Variants in GOLM2 observed in about 807,000 individuals in gnomAD.
The protein encoded by GOLM2 is golgi membrane protein 2, also known as protein GOLM2.
Under a neutral mutation model 55.9 loss-of-function variants are expected in GOLM2, and 26 were observed. That is an observed-to-expected ratio of 0.47 (90% CI 0.34 to 0.65). The LOEUF (loss-of-function observed/expected upper bound fraction) is 0.65, where lower values mean the gene tolerates loss of function less well. GOLM2 is among the 30% of genes least tolerant of loss of function. The pLI, the probability that GOLM2 is intolerant of heterozygous loss-of-function variation, is 0.01. For synonymous variants in GOLM2, 165 were observed against 194.6 expected, an observed-to-expected ratio of 0.85 and a Z score of 1.27; for missense variants, 486 against 531.8, an observed-to-expected ratio of 0.91 and a Z score of 0.85.
At position 44,295,939 on chromosome 15, in the gene GOLM2, CACACACACAG is replaced by C. The variant is rs1392035066; in HGVS notation, c.327+6588_327+6597del. On this transcript the variant is annotated intron_variant, in intron 1 of 9. Coordinates refer to ENST00000299957, the MANE Select transcript of GOLM2 (RefSeq NM_138423.4). Reference sequence around the variant, plus strand: ...ACATACACACACACACACACACACACACACACACAGACACCCTTTTATTTCCTCTTTTATC... The same window carrying C: ...ACATACACACACACACACACACACACACACCCTTTTATTTCCTCTTTTATC... Among the ~76,000 whole-genome samples, 174 of 151,966 alleles carry C rather than the reference CACACACACAG, an allele frequency of 1.1e-3. 1 individual carries two copies. The highest frequency in any genetic ancestry group is 4.0e-3 in the African/African-American group (166 of 41,410).
intron 8 of GOLM2, among the ~76,000 whole-genome samples, chr15:44,395,156 G>A (rs1350268874): frequency 1.3e-5 from 2 of 149,114 alleles, no homozygotes; most frequent in South Asian, 2.1e-4. Flanking sequence ...GACTACAGGC[G>A]CCCGCCACCA....
At chr15:44,352,621 G>A (rs574626983) in intron 6 of GOLM2, among the ~76,000 whole-genome samples, 204 of 152,180 alleles carry the variant, frequency 1.3e-3, no homozygotes, top group South Asian at 4.0e-3. Flanking sequence ...AATCAGAAAA[G>A]TGAAGAGTAG....
chr15:44,290,728 A>G (rs1030025971), intron 1 of GOLM2, among the ~76,000 whole-genome samples: 25 of 152,180 alleles, frequency 1.6e-4, no homozygotes, highest in Non-Finnish European at 1.5e-5. Context: ...TCTCAAAGGA[A>G]AGTCTCTTGT....
chr15:44,328,835 C>G (rs779966259), intron 3 of GOLM2, 48 bp downstream of exon 3: 1 of 1,265,924 alleles, frequency 7.9e-7, no homozygotes, highest in Non-Finnish European at 1.1e-6. Flanking sequence ...AATATTTGTC[C>G]AGCTTTTGGA....
Position 44,288,970 on chromosome 15 carries a change from T to C in GOLM2, c.-60T>C, listed in dbSNP as rs930408043. 41 of 1,484,346 alleles carry C rather than the reference T, an allele frequency of 2.8e-5. No individual in the cohort carries two copies. The highest frequency in any genetic ancestry group is 3.5e-5 in the Non-Finnish European group (38 of 1,092,816). 91.9% of individuals were successfully genotyped at this position (1,484,346 alleles called of 1,614,324 possible). A position where few individuals can be genotyped will look rare whatever the true frequency, so the allele number is the denominator to read the frequency against. On this transcript the variant is annotated 5_prime_UTR_variant, in exon 1 of 10. Coordinates refer to ENST00000299957, the MANE Select transcript of GOLM2 (RefSeq NM_138423.4). ...CCGCCGGGCAACTCCAGCCGAGGCC[T>C]GGGCTTCTGCCTGCAGGTGTCTGCG...
chr15:44,300,162 A>AGAAG (rs141330312), intron 1 of GOLM2, among the ~76,000 whole-genome samples: 1 of 146,788 alleles, frequency 6.8e-6, no homozygotes, highest in East Asian at 2.1e-4. Context: ...AGGAGGAAAG[A>AGAAG]GAAGGAAGGA....
intron 6 of GOLM2, among the ~76,000 whole-genome samples, chr15:44,362,539 A>G (rs1281182723): frequency 2.0e-5 from 3 of 152,068 alleles, no homozygotes; most frequent in East Asian, 1.9e-4. Context: ...AATGAAATAA[A>G]AGAGGATACA....
chr15:44,371,346 G>A (rs1436357391), intron 6 of GOLM2, among the ~76,000 whole-genome samples: 1 of 152,158 alleles, frequency 6.6e-6, no homozygotes, highest in African/African-American at 2.4e-5. Context: ...TGGTTAGTAT[G>A]TCATTGCTAG....
chr15:44,413,393 A>T lies in GOLM2; in HGVS notation c.1298A>T (p.Asn433Ile), dbSNP rs56277944. The change falls in exon 10 of 10, where the codon AAT (asparagine) becomes ATT (isoleucine). Residue 433 changes from asparagine (N) to isoleucine (I), a missense_variant. Asn to Ile is a moderately radical substitution (Grantham distance 149, BLOSUM62 -3). Coordinates refer to ENST00000299957, the MANE Select transcript of GOLM2 (RefSeq NM_138423.4). ...DPADYGKQHF[N>I]DVL ...GCAGACTATGGAAAGCAACATTTCA[A>T]TGATGTCCTTTAAGTCCTAAAGGAA... is the stretch of plus-strand genomic sequence containing the variant. 1 of 1,609,928 alleles carries T rather than the reference A, an allele frequency of 6.2e-7. No homozygotes were observed. The highest frequency in any genetic ancestry group is 1.1e-5 in the South Asian group (1 of 90,814).
chr15:44,292,198 TATA>T (rs1219853915), intron 1 of GOLM2, among the ~76,000 whole-genome samples: 9 of 139,194 alleles, frequency 6.5e-5, no homozygotes, highest in African/African-American at 2.8e-4. Context: ...TATATATATA[TATA>T]TTTTTTTTTT....
chr15:44,298,271 T>C (rs1370104041), intron 1 of GOLM2, among the ~76,000 whole-genome samples: 3 of 150,824 alleles, frequency 2.0e-5, no homozygotes, highest in Non-Finnish European at 4.4e-5. Flanking sequence ...TTTTCTTTTT[T>C]TTTTTTTTTG....
intron 8 of GOLM2, among the ~76,000 whole-genome samples, chr15:44,402,264 A>T (rs1320687945): frequency 6.8e-6 from 1 of 146,846 alleles, no homozygotes; most frequent in African/African-American, 2.5e-5. Context: ...ATTACTTGGG[A>T]TTTTTTTTTT....
At chr15:44,396,804 C>T (rs1402061722) in intron 8 of GOLM2, among the ~76,000 whole-genome samples, 1 of 152,164 alleles carries the variant, frequency 6.6e-6, no homozygotes, top group African/African-American at 2.4e-5. Context: ...GACTTTAGCT[C>T]ACTTAGCCCA....
chr15:44,328,776 A>C lies in GOLM2; in HGVS notation c.474A>C (p.Leu158Phe). The C allele has an allele frequency of 6.3e-7, 1 of 1,597,726 alleles. No individual in the cohort carries two copies. Among genetic ancestry groups the C allele is most frequent in the Non-Finnish European group, 8.5e-7 (1 of 1,171,564 alleles). The change falls in exon 3 of 10, where the codon TTA (leucine) becomes TTC (phenylalanine). Residue 158 changes from leucine to phenylalanine, a missense_variant. Coordinates refer to ENST00000299957, the MANE Select transcript of GOLM2 (RefSeq NM_138423.4). ...ACAATACTTACCTTGTGAAGAGGTTAGAATATGAAAGGTAAGATGTTACAT... is the reference window on the plus strand; with the variant it reads ...ACAATACTTACCTTGTGAAGAGGTTCGAATATGAAAGGTAAGATGTTACAT... ...RKNNTYLVKR[L>F]EYESFQCGQQ...
Position 44,403,070 on chromosome 15 carries a change from G to A in GOLM2, c.1240+16G>A, listed in dbSNP as rs774376171. The A allele has an allele frequency of 2.5e-6, 4 of 1,613,748 alleles. No homozygotes were observed. The highest frequency in any genetic ancestry group is 3.4e-6 in the Non-Finnish European group (4 of 1,179,770). Reference sequence around the variant, plus strand: ...GACGTCCAAGGTGAGCGTGGGCCTGGCCTCCATGCTATAACCATGAAACCC... The same window carrying A: ...GACGTCCAAGGTGAGCGTGGGCCTGACCTCCATGCTATAACCATGAAACCC... On this transcript the variant is annotated intron_variant, in intron 9 of 9. Transcript: ENST00000299957.
Position 44,403,012 on chromosome 15 carries a change from A to G in GOLM2, c.1198A>G (p.Asn400Asp). The change falls in exon 9 of 10, where the codon AAT (asparagine) becomes GAT (aspartate). Residue 400 changes from asparagine to aspartate, a missense_variant. Physicochemically the swap from Asn to Asp is conservative, Grantham distance 23. Coordinates refer to ENST00000299957, the MANE Select transcript of GOLM2 (RefSeq NM_138423.4). Reference protein sequence around the residue: ...EADKQAELAYNEEEDGDGGEE... With the variant: ...EADKQAELAYDEEEDGDGGEE... Reference sequence around the variant, plus strand: ...AGACAAGCAGGCTGAGCTGGCTTACAATGAGGAAGAAGATGGTGATGGTGG... The same window carrying G: ...AGACAAGCAGGCTGAGCTGGCTTACGATGAGGAAGAAGATGGTGATGGTGG... 6.2e-7 allele frequency: 1 copy of G among 1,614,090 alleles called. No homozygotes were observed. The highest frequency in any genetic ancestry group is 1.3e-5 in the African/African-American group (1 of 75,020).
intron 9 of GOLM2, among the ~76,000 whole-genome samples, chr15:44,410,410 G>C (rs962611214): frequency 1.3e-5 from 2 of 151,974 alleles, no homozygotes; most frequent in African/African-American, 4.8e-5. Context: ...CAGCCTGGGC[G>C]ACCCAGTGAG....
At chr15:44,375,706 C>T (rs930685548) in intron 6 of GOLM2, among the ~76,000 whole-genome samples, 5 of 152,040 alleles carry the variant, frequency 3.3e-5, no homozygotes, top group East Asian at 1.9e-4. Context: ...GCTTGAGCCC[C>T]GGAGGTCGGG....
intron 8 of GOLM2, chr15:44,389,905 C>G (rs1420701936): frequency 6.6e-6 from 1 of 152,236 alleles, no homozygotes; most frequent in Non-Finnish European, 1.5e-5. Flanking sequence ...GTTTCAAACT[C>G]CTGAGCTCAA....
Sources: allele counts gnomAD v4.1 joint callset (sites outside exome capture counted in the v4.1 genomes callset), GRCh38; gene constraint gnomAD v4.1.1; transcripts MANE v1.5; gene names NCBI Gene and HGNC (gene_info 2026-07-23, HGNC 2026-07-21).